Variants in TRIM4 observed in about 807,000 individuals in gnomAD.
The protein encoded by TRIM4 is tripartite motif containing 4.
Under a neutral mutation model 33.7 loss-of-function variants are expected in TRIM4, and 29 were observed. That is an observed-to-expected ratio of 0.86 (90% confidence interval 0.64 to 1.17). The LOEUF (loss-of-function observed/expected upper bound fraction) is 1.17. Among genes scored for constraint, TRIM4 ranks in the 50% most tolerant of loss-of-function variants. The probability of loss-of-function intolerance (pLI) is 0.00; values close to 1 mark genes in which losing one functional copy is unlikely to be tolerated. For missense variants in TRIM4, 554 were observed against 593.7 expected, an observed-to-expected ratio of 0.93 and a Z score of 0.69; for synonymous variants, 224 against 233.0, an observed-to-expected ratio of 0.96 and a Z score of 0.35.
chr7:99,910,618 G>A (rs1378629965), intron 1 of TRIM4, among the ~76,000 whole-genome samples: 1 of 152,192 alleles, frequency 6.6e-6, no homozygotes, highest in Non-Finnish European at 1.5e-5. Flanking sequence ...AGGGAAATCT[G>A]GAAGGATGTA....
chr7:99,916,085 G>T (rs1819549342), intron 1 of TRIM4, among the ~76,000 whole-genome samples: 1 of 152,170 alleles, frequency 6.6e-6, no homozygotes, highest in African/African-American at 2.4e-5. Context: ...AGAACTGTGG[G>T]TGGTACGTAA....
chr7:99,917,524 A>G (rs1007236869), intron 1 of TRIM4, among the ~76,000 whole-genome samples: 2 of 152,174 alleles, frequency 1.3e-5, no homozygotes, highest in African/African-American at 4.8e-5. Flanking sequence ...GTTCGAGACC[A>G]GCCTGACCAA....
rs1207944758 is a variant in TRIM4, at chr7:99,890,941, T to C, written c.*1222A>G. 1 of 152,246 alleles carries C rather than the reference T, an allele frequency of 6.6e-6. No homozygotes were observed. Among genetic ancestry groups the C allele is most frequent in the African/African-American group, 2.4e-5 (1 of 41,456 alleles). 9.4% of individuals were successfully genotyped at this position (152,246 alleles called of 1,614,324 possible). A position where few individuals can be genotyped will look rare whatever the true frequency, so the allele number is the denominator to read the frequency against. On this transcript the variant is annotated 3_prime_UTR_variant, in exon 6 of 6. Transcript: ENST00000349062. ...TTTACTGAAAATCTGGGAGAAAATA[T>C]ATTGAAATGTTAGTAGTGCATAACT...
At chr7:99,910,711 T>C (rs1348533810) in intron 1 of TRIM4, among the ~76,000 whole-genome samples, 1 of 152,216 alleles carries the variant, frequency 6.6e-6, no homozygotes, top group Non-Finnish European at 1.5e-5. Flanking sequence ...ATTTTATGCA[T>C]TTTTGCTTTA....
chr7:99,914,194 A>G (rs1333999144), intron 1 of TRIM4, among the ~76,000 whole-genome samples: 2 of 152,130 alleles, frequency 1.3e-5, no homozygotes, highest in Non-Finnish European at 2.9e-5. Context: ...CTCTCATACA[A>G]TATCCACAAC....
At position 99,912,541 on chromosome 7, in the gene TRIM4, A is replaced by T. The variant is rs143939233; in HGVS notation, c.394-2881T>A. ...TGAGACTCTACATATTAAAAAAAAA[A>T]AATAATACCATAAACAAATGTTAAA... On this transcript the variant is annotated intron_variant, in intron 1 of 5. Coordinates refer to ENST00000349062, the MANE Select transcript of TRIM4 (RefSeq NM_033091.3). 1.6e-3 allele frequency among the ~76,000 whole-genome samples: 244 copies of T among 151,918 alleles called. 4 individuals carry two copies. The highest frequency in any genetic ancestry group is 9.5e-3 in the South Asian group (46 of 4,818).
At chr7:99,903,448 A>G in intron 4 of TRIM4, 128 bp downstream of exon 4, 4 of 1,394,162 alleles carry the variant, frequency 2.9e-6, no homozygotes, top group Non-Finnish European at 4.0e-6. Flanking sequence ...AATCAGGAGA[A>G]TTTTTCCTCA....
At position 99,892,523 on chromosome 7, in the gene TRIM4, G is replaced by A. The variant is rs1377358548; in HGVS notation, c.1065C>T (p.Tyr355=). 3.1e-6 allele frequency: 5 copies of A among 1,614,078 alleles called. No homozygotes were observed. The highest frequency in any genetic ancestry group is 4.2e-6 in the Non-Finnish European group (5 of 1,180,050). Residue 355 remains tyrosine (Y), a synonymous_variant, in exon 6 of 6, where the codon TAC becomes TAT. Transcript: ENST00000349062. ...GACTATCTCTACTCTCAACTTCCCAGTAATGTTTCCCTGAGGTGAAAACGT... is the reference window on the plus strand; with the variant it reads ...GACTATCTCTACTCTCAACTTCCCAATAATGTTTCCCTGAGGTGAAAACGT... The part of the protein sequence containing the change: ...GKNVFTSGKH[Y]WEVESRDSLE...
chr7:99,919,228 G>A lies in TRIM4; in HGVS notation c.174C>T (p.Pro58=), dbSNP rs1214855789. ...PCPECRHPSA[P]AALRPNWALA... is the part of the protein sequence containing the mutation. The stretch of plus-strand genomic sequence containing the variant: ...GGGCCCAGTTGGGTCGCAGCGCGGC[G>A]GGCGCCGATGGGTGCCGACATTCGG... The change falls in exon 1 of 6, where the codon CCC becomes CCT. Residue 58 remains proline, a synonymous_variant. Transcript: ENST00000349062. 4.6e-6 allele frequency: 7 copies of A among 1,521,892 alleles called. No individual in the cohort carries two copies. Among genetic ancestry groups the A allele is most frequent in the Non-Finnish European group, 6.2e-6 (7 of 1,135,262 alleles). The allele number at this position is 1,521,892 out of a possible 1,614,324, so 94.3% of individuals were successfully genotyped here.
intron 5 of TRIM4, among the ~76,000 whole-genome samples, chr7:99,895,537 G>T (rs1818997493): frequency 6.6e-6 from 1 of 152,164 alleles, no homozygotes; most frequent in Non-Finnish European, 1.5e-5. Context: ...TGGGTAGAGT[G>T]TTCTATAAAT....
chr7:99,918,005 G>A (rs1819594974), intron 1 of TRIM4: 1 of 202,418 alleles, frequency 4.9e-6, no homozygotes, highest in Admixed American at 6.5e-5. Flanking sequence ...TAACCCATGA[G>A]ATAGGACAGA....
rs1563087619 is a variant in TRIM4, at chr7:99,909,729, G to GGTTT, written c.394-70_394-69insAAAC. 2.2e-5 allele frequency: 16 copies of GGTTT among 725,138 alleles called. 1 individual carries two copies. Among genetic ancestry groups the GGTTT allele is most frequent in the Non-Finnish European group, 2.5e-5 (12 of 489,090 alleles). 44.9% of individuals were successfully genotyped at this position (725,138 alleles called of 1,614,324 possible). On this transcript the variant is annotated intron_variant, in intron 1 of 5. Transcript: ENST00000349062. ...CATCATCATCTTCTTTTTTCTTTTT[G>GGTTT]TTTTTTTTTTTTTTTTTTTTTGAGA...
intron 1 of TRIM4, among the ~76,000 whole-genome samples, chr7:99,912,995 G>C (rs1031029275): frequency 1.3e-5 from 2 of 152,118 alleles, no homozygotes; most frequent in African/African-American, 4.8e-5. Context: ...CCGCTTTGTG[G>C]TCACTGTCAA....
At chr7:99,906,658 A>C (rs1012451247) in intron 3 of TRIM4, among the ~76,000 whole-genome samples, 2 of 152,100 alleles carry the variant, frequency 1.3e-5, no homozygotes, top group Non-Finnish European at 2.9e-5. Flanking sequence ...TTGAGAAAAG[A>C]GCTAGAGAAG....
At chr7:99,912,124 C>T (rs999480600) in intron 1 of TRIM4, among the ~76,000 whole-genome samples, 46 of 152,226 alleles carry the variant, frequency 3.0e-4, no homozygotes, top group African/African-American at 1.0e-3. Flanking sequence ...TGGGAAAGGG[C>T]ATGAAAGAAT....
chr7:99,900,935 C>T (rs1244040193), intron 5 of TRIM4, among the ~76,000 whole-genome samples: 1 of 63,398 alleles, frequency 1.6e-5, no homozygotes, highest in Non-Finnish European at 5.0e-5. Context: ...ATTTCTCATA[C>T]TCAGGGTTTG....
In TRIM4 at chr7:99,919,279, C is replaced by A; in HGVS notation, c.123G>T (p.Ala41=). Residue 41 remains alanine, a synonymous_variant, in exon 1 of 6, where the codon GCG becomes GCT. Transcript: ENST00000349062. ...FCRGCLHRNW[A]PGGGPFPCPE... ...GGCAGGGGAACGGGCCGCCGCCCGG[C>A]GCCCAGTTGCGGTGCAGGCAGCCGC... The A allele has an allele frequency of 6.5e-7, 1 of 1,548,206 alleles. No homozygotes were observed. Among genetic ancestry groups the A allele is most frequent in the Non-Finnish European group, 8.7e-7 (1 of 1,147,084 alleles).
At chr7:99,906,491 C>T (rs982141818) in intron 3 of TRIM4, among the ~76,000 whole-genome samples, 7 of 152,038 alleles carry the variant, frequency 4.6e-5, no homozygotes, top group East Asian at 3.9e-4. Flanking sequence ...TGTACCTGGC[C>T]TTAAAATGTG....
intron 5 of TRIM4, among the ~76,000 whole-genome samples, chr7:99,896,297 A>T (rs1321726693): frequency 2.0e-5 from 3 of 152,124 alleles, no homozygotes. Flanking sequence ...GAAATGTGGG[A>T]GTGGCCAACT....
Sources: allele counts gnomAD v4.1 joint callset (sites outside exome capture counted in the v4.1 genomes callset), GRCh38; gene constraint gnomAD v4.1.1; transcripts MANE v1.5; gene names NCBI Gene and HGNC (gene_info 2026-07-23, HGNC 2026-07-21).